Variants in B3GALT1 observed in about 807,000 individuals in gnomAD.
B3GALT1 encodes the protein UDP-Gal:betaGlcNAc beta 1,3-galactosyltransferase, polypeptide 1.
B3GALT1 carries 10 observed loss-of-function variants against 23.2 expected under a neutral mutation model. The ratio of observed to expected loss-of-function variants is 0.43; its 90% confidence interval spans 0.27 to 0.73. B3GALT1 has a LOEUF of 0.73. Ranked by LOEUF, B3GALT1 falls within the 30% of genes least tolerant of loss-of-function variation. The pLI, the probability that B3GALT1 is intolerant of heterozygous loss-of-function variation, is 0.21. For missense variants in B3GALT1, 299 were observed against 405.4 expected (o/e 0.74, Z 2.25); for synonymous variants, 156 against 141.5 (o/e 1.10, Z -0.73).
chr2:167,409,967 C>T (rs970465259), intron 1 of B3GALT1, among the ~76,000 whole-genome samples: 1 of 152,100 alleles, frequency 6.6e-6, no homozygotes, highest in Non-Finnish European at 1.5e-5. Flanking sequence ...ACCATAAAGA[C>T]ATATGCACAT....
intron 1 of B3GALT1, among the ~76,000 whole-genome samples, chr2:167,374,371 G>A (rs1191069785): frequency 2.0e-5 from 3 of 152,140 alleles, no homozygotes; most frequent in Non-Finnish European, 4.4e-5. Context: ...TCTTTTGAGT[G>A]TATATCCAGT....
chr2:167,544,324 T>G (rs1683588958), intron 2 of B3GALT1, among the ~76,000 whole-genome samples: 1 of 152,180 alleles, frequency 6.6e-6, no homozygotes, highest in South Asian at 2.1e-4. Flanking sequence ...GGACAGAGTC[T>G]CAATCTGTTG....
chr2:167,714,022 G>T, intron 3 of B3GALT1: 1 of 1,541,120 alleles, frequency 6.5e-7, no homozygotes, highest in Non-Finnish European at 9.0e-7. Context: ...CTTCATTTTC[G>T]GCAGGGAGAG....
intron 2 of B3GALT1, among the ~76,000 whole-genome samples, chr2:167,583,971 C>A (rs1474936011): frequency 1.3e-5 from 2 of 150,592 alleles, no homozygotes; most frequent in African/African-American, 2.5e-5. Context: ...ATACCAAATA[C>A]CCAGCTGTCC....
intron 2 of B3GALT1, among the ~76,000 whole-genome samples, chr2:167,531,694 A>G (rs1217280718): frequency 6.6e-6 from 1 of 152,198 alleles, no homozygotes; most frequent in Non-Finnish European, 1.5e-5. Flanking sequence ...TCTTCTATGC[A>G]TATTTTAACG....
chr2:167,858,339 C>CAAA (rs1690037361), intron 4 of B3GALT1, among the ~76,000 whole-genome samples: 1 of 120,682 alleles, frequency 8.3e-6, no homozygotes. Context: ...TGAACAAGAG[C>CAAA]GAAGTAAAAA....
At chr2:167,426,646 C>T (rs1295997114) in intron 1 of B3GALT1, among the ~76,000 whole-genome samples, 1 of 152,148 alleles carries the variant, frequency 6.6e-6, no homozygotes, top group African/African-American at 2.4e-5. Context: ...GGAACATAGA[C>T]AGTCCTAGTA....
chr2:167,569,359 C>G (rs1054460423), intron 2 of B3GALT1, among the ~76,000 whole-genome samples: 6 of 151,830 alleles, frequency 4.0e-5, no homozygotes, highest in African/African-American at 1.5e-4. Flanking sequence ...TATTCCTTCT[C>G]CTTAGATATT....
intron 1 of B3GALT1, among the ~76,000 whole-genome samples, chr2:167,370,782 C>T (rs931219305): frequency 4.6e-5 from 7 of 151,972 alleles, no homozygotes; most frequent in South Asian, 2.1e-4. Flanking sequence ...AAAAATTAGC[C>T]GGGCATGGTG....
intron 4 of B3GALT1, among the ~76,000 whole-genome samples, chr2:167,833,996 GT>G (rs1275161163): frequency 6.6e-6 from 1 of 152,170 alleles, no homozygotes; most frequent in Non-Finnish European, 1.5e-5. Flanking sequence ...GCTCAATGTT[GT>G]TGGATTTCTA....
At chr2:167,673,541 C>A (rs1686369566) in intron 3 of B3GALT1, among the ~76,000 whole-genome samples, 1 of 151,796 alleles carries the variant, frequency 6.6e-6, no homozygotes, top group Non-Finnish European at 1.5e-5. Context: ...TCCAATGATC[C>A]AAGCACTTAG....
At chr2:167,595,100 A>G (rs1306691244) in intron 2 of B3GALT1, among the ~76,000 whole-genome samples, 2 of 152,194 alleles carry the variant, frequency 1.3e-5, no homozygotes, top group East Asian at 1.9e-4. Context: ...AGGAAAGCAA[A>G]TGTGGAGCTG....
chr2:167,444,949 G>A (rs1698957298), intron 1 of B3GALT1, among the ~76,000 whole-genome samples: 1 of 152,078 alleles, frequency 6.6e-6, no homozygotes, highest in African/African-American at 2.4e-5. Flanking sequence ...TCTATTAATT[G>A]TGTTGTTAGG....
Position 167,856,279 on chromosome 2 carries a change from G to A in B3GALT1, c.-229-12532G>A, listed in dbSNP as rs568117212. Among the ~76,000 whole-genome samples, 5 of 152,256 alleles carry A rather than the reference G, an allele frequency of 3.3e-5. No individual in the cohort carries two copies. In the South Asian group the frequency reaches 8.3e-4, roughly 25 times the overall value. ...GAAAAACAAGAGCAAAAAGCAGAAG[G>A]AAGGCAAACTTCTCCTTCCTTTGGT... On this transcript the variant is annotated intron_variant, in intron 4 of 4. Coordinates refer to ENST00000392690, the MANE Select transcript of B3GALT1 (RefSeq NM_020981.4).
chr2:167,654,075 G>A (rs1291484424), intron 3 of B3GALT1, among the ~76,000 whole-genome samples: 2 of 152,092 alleles, frequency 1.3e-5, no homozygotes, highest in Non-Finnish European at 2.9e-5. Context: ...TGTGGCCTCT[G>A]GAGTCAGGTT....
At chr2:167,566,694 A>G (rs1052912217) in intron 2 of B3GALT1, among the ~76,000 whole-genome samples, 1 of 152,166 alleles carries the variant, frequency 6.6e-6, no homozygotes, top group Non-Finnish European at 1.5e-5. Context: ...CAGGTCATCC[A>G]GGCTGAAAGC....
chr2:167,496,557 T>C (rs965998632), intron 2 of B3GALT1, among the ~76,000 whole-genome samples: 4 of 152,166 alleles, frequency 2.6e-5, no homozygotes, highest in African/African-American at 9.7e-5. Flanking sequence ...GTAATAGTCA[T>C]TGATTACCTT....
chr2:167,744,328 AAG>A (rs1323024034), intron 3 of B3GALT1, among the ~76,000 whole-genome samples: 3 of 152,188 alleles, frequency 2.0e-5, no homozygotes, highest in African/African-American at 7.2e-5. Context: ...TCATTATAAT[AAG>A]AGATTTCTAT....
At chr2:167,676,388 A>G (rs1238887636) in intron 3 of B3GALT1, among the ~76,000 whole-genome samples, 2 of 152,076 alleles carry the variant, frequency 1.3e-5, no homozygotes, top group Non-Finnish European at 2.9e-5. Context: ...GTGAATACGT[A>G]AAGGCTTTCA....
Sources: gnomAD v4.1 joint callset for allele counts (sites outside exome capture counted in the v4.1 genomes callset) on GRCh38, gnomAD v4.1.1 for gene constraint, MANE v1.5 for transcripts, NCBI Gene and HGNC (gene_info 2026-07-23, HGNC 2026-07-21) for gene names.